MYO5B: variants seen among roughly 807,000 people sequenced by gnomAD.
MYO5B encodes the protein myosin VB.
A neutral mutation model predicts 229.3 loss-of-function variants in MYO5B; 143 were observed. That is an observed-to-expected ratio of 0.62 (90% CI 0.54 to 0.72). The LOEUF (loss-of-function observed/expected upper bound fraction) is 0.72. Among genes scored for constraint, MYO5B ranks in the 30% least tolerant of loss-of-function variants. MYO5B has a pLI of 0.00. For missense variants in MYO5B, 2,321 were observed against 2,331.0 expected (o/e 1.00, Z 0.09); for synonymous variants, 918 against 885.2 (o/e 1.04, Z -0.66).
chr18:50,021,690 T>C (rs1421393449), intron 4 of MYO5B, among the ~76,000 whole-genome samples: 1 of 143,664 alleles, frequency 7.0e-6, no homozygotes, highest in Admixed American at 7.2e-5. Context: ...TATGTGGTCC[T>C]TCTCCACAAC....
In MYO5B at chr18:49,826,662, C is replaced by A. The variant is rs772758492; in HGVS notation, c.5395-39G>T. On this transcript the variant is annotated intron_variant, in intron 39 of 39. Coordinates refer to ENST00000285039, the MANE Select transcript of MYO5B (RefSeq NM_001080467.3). ...TAAGACCATGTAAAGTTTGAGTACC[C>A]CTAAAAATAGCCAGTTTAAGTGAAT... 4 of 1,610,382 alleles carry A rather than the reference C, an allele frequency of 2.5e-6. No homozygotes were observed. The South Asian group carries it at 3.3e-5, about 13-fold the overall frequency.
Position 49,877,796 on chromosome 18 carries a change from G to C in MYO5B, c.3363C>G (p.Ile1121Met), listed in dbSNP as rs28637129. ...SNYPSISTSE[I>M]GDTEDALQQV... ...GCTGGAGGGCATCCTCAGTGTCTCC[G>C]ATCTCAGATGTGGAGATGGAGGGGT... Residue 1121 changes from isoleucine (I) to methionine (M), a missense_variant, in exon 25 of 40, where the codon ATC (isoleucine) becomes ATG (methionine). Physicochemically the swap from Ile to Met is conservative, Grantham distance 10. Coordinates refer to ENST00000285039, the MANE Select transcript of MYO5B (RefSeq NM_001080467.3). 6.8e-6 allele frequency: 11 copies of C among 1,613,986 alleles called. No homozygotes were observed. Among genetic ancestry groups the C allele is most frequent in the Non-Finnish European group, 9.3e-6 (11 of 1,179,980 alleles).
chr18:49,957,787 C>T (rs1275726224), intron 12 of MYO5B, among the ~76,000 whole-genome samples: 2 of 152,100 alleles, frequency 1.3e-5, no homozygotes, highest in Non-Finnish European at 2.9e-5. Context: ...TGGTCACTCA[C>T]TGTCTCCTTC....
intron 13 of MYO5B, among the ~76,000 whole-genome samples, chr18:49,953,894 ATGTGTGTGTGTGTG>A (rs71169463): frequency 4.1e-4 from 45 of 108,470 alleles, no homozygotes; most frequent in Non-Finnish European, 5.4e-4. Flanking sequence ...ATATACATAT[ATGTGTGTGTGTGTG>A]TGTGTGTGTG....
In MYO5B at chr18:49,962,382, C is replaced by A. The variant is rs772877259; in HGVS notation, c.1429G>T (p.Glu477Ter). The A allele has an allele frequency of 6.2e-7, 1 of 1,614,060 alleles. No homozygotes were observed. The highest frequency in any genetic ancestry group is 1.3e-5 in the African/African-American group (1 of 74,934). The change falls in exon 12 of 40, where the codon GAA becomes TAA. Residue 477 changes from glutamate (E) to a stop codon, truncating the protein, a stop_gained. Transcript: ENST00000285039. LOFTEE classifies it high-confidence loss of function. Reference sequence around the variant, plus strand: ...CAAGGGATCTGTTCCTTCATGTATTCTTCTTGCTCCAGTTTGAAAACATGC... The same window carrying A: ...CAAGGGATCTGTTCCTTCATGTATTATTCTTGCTCCAGTTTGAAAACATGC... ...NSHVFKLEQEEYMKEQIPWTL... is the reference protein window; with the variant it reads ...NSHVFKLEQE
At chr18:49,991,820 T>C (rs60136151) in intron 6 of MYO5B, among the ~76,000 whole-genome samples, 1,881 of 151,742 alleles carry the variant, frequency 0.012, 37 homozygotes, top group African/African-American at 0.043. Context: ...ACTTAAAGTA[T>C]AATTTTTTTT....
chr18:50,122,243 C>T (rs2032070014), intron 1 of MYO5B, among the ~76,000 whole-genome samples: 2 of 151,946 alleles, frequency 1.3e-5, no homozygotes, highest in African/African-American at 4.8e-5. Context: ...TTTTAAAAGC[C>T]ACTAAGTGGT....
At chr18:50,172,925 A>C (rs1304209266) in intron 1 of MYO5B, among the ~76,000 whole-genome samples, 1 of 152,262 alleles carries the variant, frequency 6.6e-6, no homozygotes, top group Non-Finnish European at 1.5e-5. Flanking sequence ...GAGTAGGTGC[A>C]AAGGCACTGA....
chr18:50,106,104 T>TA (rs1210287746), intron 1 of MYO5B, among the ~76,000 whole-genome samples: 1 of 152,068 alleles, frequency 6.6e-6, no homozygotes, highest in African/African-American at 2.4e-5. Context: ...ACCATCCTCT[T>TA]ACTTGCCCAA....
intron 4 of MYO5B, among the ~76,000 whole-genome samples, chr18:50,023,846 C>T (rs544903531): frequency 3.5e-4 from 54 of 152,160 alleles, no homozygotes; most frequent in African/African-American, 1.2e-3. Flanking sequence ...CAGCCTAGAC[C>T]GGGTATCATG....
chr18:49,881,752 G>A (rs914833413), intron 22 of MYO5B, among the ~76,000 whole-genome samples: 41 of 151,086 alleles, frequency 2.7e-4, no homozygotes, highest in African/African-American at 8.0e-4. Flanking sequence ...GCAGTGAGCC[G>A]AGATCGCGCC....
intron 4 of MYO5B, among the ~76,000 whole-genome samples, chr18:50,021,313 C>T (rs978206650): frequency 1.3e-5 from 2 of 152,182 alleles, no homozygotes; most frequent in Non-Finnish European, 2.9e-5. Flanking sequence ...AGATTCAATC[C>T]ATGGAGAGAG....
In MYO5B at chr18:49,956,027, G is replaced by A. The variant is rs141491024; in HGVS notation, c.1546-1592C>T. Among the ~76,000 whole-genome samples the A allele has an allele frequency of 4.4e-3, 667 of 152,304 alleles. 5 individuals carry two copies. Among genetic ancestry groups the A allele is most frequent in the African/African-American group, 0.014 (583 of 41,564 alleles). ...AATTGGACTTCTGTGAGAAGACTTC[G>A]TAATCCTGCATATTCACTAATTCAG... On this transcript the variant is annotated intron_variant, in intron 12 of 39. Transcript: ENST00000285039.
chr18:49,948,107 C>T (rs149055158), intron 14 of MYO5B, among the ~76,000 whole-genome samples: 100 of 152,252 alleles, frequency 6.6e-4, no homozygotes, highest in African/African-American at 1.4e-3. Context: ...TAGCTGTTAC[C>T]TTGGAAATCA....
intron 1 of MYO5B, among the ~76,000 whole-genome samples, chr18:50,120,946 G>A (rs1159192996): frequency 6.6e-6 from 1 of 152,132 alleles, no homozygotes; most frequent in African/African-American, 2.4e-5. Context: ...AGAGAATGAA[G>A]GACTCTTCTA....
intron 23 of MYO5B, chr18:49,879,339 G>A (rs1444207085): frequency 3.8e-6 from 2 of 522,754 alleles, no homozygotes; most frequent in Non-Finnish European, 6.9e-6. Flanking sequence ...GGCAGCGTAG[G>A]TGAGAATTCC....
At chr18:49,922,977 C>G (rs773091230) in intron 17 of MYO5B, among the ~76,000 whole-genome samples, 3 of 152,156 alleles carry the variant, frequency 2.0e-5, no homozygotes, top group Non-Finnish European at 4.4e-5. Context: ...GGTCTAAAGA[C>G]TTTGGGGAAA....
chr18:49,897,429 A>G (rs2024791265), intron 21 of MYO5B, among the ~76,000 whole-genome samples: 1 of 152,240 alleles, frequency 6.6e-6, no homozygotes, highest in Non-Finnish European at 1.5e-5. Context: ...AACAAAAAAA[A>G]GTAAAAAAAA....
At chr18:50,141,397 G>C (rs1568122165) in intron 1 of MYO5B, among the ~76,000 whole-genome samples, 2 of 152,192 alleles carry the variant, frequency 1.3e-5, no homozygotes, top group Non-Finnish European at 2.9e-5. Flanking sequence ...TCAGCACACT[G>C]CCTATGGGGT....
Sources: allele counts gnomAD v4.1 joint callset (sites outside exome capture counted in the v4.1 genomes callset), GRCh38; gene constraint gnomAD v4.1.1; transcripts MANE v1.5; gene names NCBI Gene and HGNC (gene_info 2026-07-23, HGNC 2026-07-21).